The following ADAMTS7 variants were observed in gnomAD, a reference collection of about 807,000 sequenced individuals.
ADAMTS7 encodes the protein ADAM metallopeptidase with thrombospondin type 1 motif 7, also known as A disintegrin and metalloproteinase with thrombospondin motifs 7.
ADAMTS7 carries 89 observed loss-of-function variants against 172.6 expected under a neutral mutation model. The ratio of observed to expected loss-of-function variants is 0.52; its 90% CI spans 0.43 to 0.61. ADAMTS7 has a LOEUF of 0.61. Among genes scored for constraint, ADAMTS7 ranks in the 20% least tolerant of loss-of-function variants. The probability of loss-of-function intolerance (pLI) is 0.00; values close to 1 mark genes in which losing one functional copy is unlikely to be tolerated. For missense variants in ADAMTS7, 1,973 were observed against 2,355.6 expected (o/e 0.84, Z 3.36); for synonymous variants, 885 against 978.4 (o/e 0.90, Z 1.78).
intron 4 of ADAMTS7, among the ~76,000 whole-genome samples, chr15:78,793,441 C>G (rs2055606349): frequency 6.6e-6 from 1 of 151,930 alleles, no homozygotes; most frequent in African/African-American, 2.4e-5. Flanking sequence ...GCAGCCGCTG[C>G]AGCCTCCACC....
chr15:78,796,729 C>T lies in ADAMTS7; in HGVS notation c.680G>A (p.Arg227Gln), dbSNP rs115303425. Residue 227 changes from arginine to glutamine, a missense_variant, in exon 4 of 24, where the codon CGG becomes CAG. By Grantham distance (43) the Arg-to-Gln change is conservative. This residue lies in a region of ADAMTS7 where 526 missense variants were observed against 662.9 expected (regional missense o/e 0.79). Transcript: ENST00000388820. ...ERWEQRQQWR[R>Q]PRLRRLHQRS... is the part of the protein sequence containing the mutation. ...CTGGTGTAGACGCCTCAGCCGTGGC[C>T]GCCGCCACTGCTGCCGCTGCTCCCA... 51 of 1,611,192 alleles carry T rather than the reference C, an allele frequency of 3.2e-5. No homozygotes were observed. The highest frequency in any genetic ancestry group is 2.8e-4 in the African/African-American group (21 of 75,032).
rs1461776038 is a variant in ADAMTS7 at position 78,759,532 on chromosome 15, G to A, written c.4950C>T (p.Arg1650=). The change falls in exon 24 of 24, where the codon CGC becomes CGT. Residue 1650 remains arginine (R), a synonymous_variant. Coordinates refer to ENST00000388820, the MANE Select transcript of ADAMTS7 (RefSeq NM_014272.5). ...TGGGCAGCTGGCAGCGGCCCAGTAGGCGCAGCGTCTCGCAGAACCCGAAGG... is the reference window on the plus strand; with the variant it reads ...TGGGCAGCTGGCAGCGGCCCAGTAGACGCAGCGTCTCGCAGAACCCGAAGG... ...RLSFGFCETL[R]LLGRCQLPTI... 6.3e-7 allele frequency: 1 copy of A among 1,596,500 alleles called. No individual in the cohort carries two copies. Among genetic ancestry groups the A allele is most frequent in the Admixed American group, 1.7e-5 (1 of 59,374 alleles).
Position 78,759,473 on chromosome 15 carries a change from G to A in ADAMTS7, c.5009C>T (p.Pro1670Leu), listed in dbSNP as rs769816677. 26 of 1,596,912 alleles carry A rather than the reference G, an allele frequency of 1.6e-5. No individual in the cohort carries two copies. The highest frequency in any genetic ancestry group is 6.7e-5 in the East Asian group (3 of 44,674). ...IRTQCCRSCS[P>L]PSHGAPSRGH... Reference sequence around the variant, plus strand: ...TCGGGAGGGGGCGCCGTGGCTGGGCGGAGAGCACGAGCGGCAGCACTGGGT... The same window carrying A: ...TCGGGAGGGGGCGCCGTGGCTGGGCAGAGAGCACGAGCGGCAGCACTGGGT... Residue 1670 changes from proline to leucine, a missense_variant, in exon 24 of 24, where the codon CCG (proline) becomes CTG (leucine). Around this residue, in one of 8 missense-constraint regions of ADAMTS7, gnomAD observed 94 missense variants for 95.4 expected, o/e 0.99. Transcript: ENST00000388820.
chr15:78,766,519 C>T lies in ADAMTS7; in HGVS notation c.3392G>A (p.Ser1131Asn). 2 of 1,585,576 alleles carry T rather than the reference C, an allele frequency of 1.3e-6. No homozygotes were observed. The highest frequency in any genetic ancestry group is 1.7e-6 in the Non-Finnish European group (2 of 1,167,590). The change falls in exon 19 of 24, where the codon AGC (serine) becomes AAC (asparagine). Residue 1131 changes from serine to asparagine, a missense_variant. Transcript: ENST00000388820. ...GCGGCCGGCCTGGCTAGGCCAAGGG[C>T]TCGGGGACCAAGGTCCCAGTACCCC... The part of the protein sequence containing the change: ...EEGVLGPWSP[S>N]PWPSQAGRSP...
rs1425674896 is a variant in ADAMTS7, at chr15:78,789,724, C to T, written c.1143G>A (p.Pro381=). The change falls in exon 7 of 24, where the codon CCG becomes CCA. Residue 381 remains proline, a synonymous_variant. Coordinates refer to ENST00000388820, the MANE Select transcript of ADAMTS7 (RefSeq NM_014272.5). ...SCSINEDTGL[P]LAFTVAHELG... Reference sequence around the variant, plus strand: ...GCTCGTGGGCTACAGTGAAGGCCAGCGGCAGGCCCGTGTCCTCGTTGATGC... The same window carrying T: ...GCTCGTGGGCTACAGTGAAGGCCAGTGGCAGGCCCGTGTCCTCGTTGATGC... 19 of 1,613,058 alleles carry T rather than the reference C, an allele frequency of 1.2e-5. No homozygotes were observed. Among genetic ancestry groups the T allele is most frequent in the South Asian group, 6.6e-5 (6 of 90,940 alleles).
chr15:78,782,601 G>T (rs377759932), intron 8 of ADAMTS7, among the ~76,000 whole-genome samples: 1 of 151,282 alleles, frequency 6.6e-6, no homozygotes, highest in Non-Finnish European at 1.5e-5. Flanking sequence ...GGTGATGATG[G>T]GTAATGAAGG....
At chr15:78,765,538 G>A (rs2055125238) in intron 19 of ADAMTS7, 107 bp downstream of exon 19, 12 of 1,539,022 alleles carry the variant, frequency 7.8e-6, no homozygotes, top group East Asian at 6.8e-5. Flanking sequence ...TGCCCCAAGA[G>A]AGGCTAGACA....
At chr15:78,781,859 G>A (rs1056231881) in intron 8 of ADAMTS7, among the ~76,000 whole-genome samples, 1 of 152,226 alleles carries the variant, frequency 6.6e-6, no homozygotes, top group African/African-American at 2.4e-5. Context: ...ATAGTAATGA[G>A]TGTGCGTGAA....
At chr15:78,769,779 T>A (rs1048347788) in intron 16 of ADAMTS7, among the ~76,000 whole-genome samples, 4 of 152,268 alleles carry the variant, frequency 2.6e-5, no homozygotes, top group Non-Finnish European at 2.9e-5. Context: ...GTGGTCCACC[T>A]GCGAAGCAGC....
intron 16 of ADAMTS7, among the ~76,000 whole-genome samples, 180 bp from the exon 17 acceptor site, chr15:78,768,439 G>A (rs1338291893): frequency 6.6e-6 from 1 of 152,164 alleles, no homozygotes; most frequent in East Asian, 1.9e-4. Flanking sequence ...TGTCCTCCTG[G>A]TTCTCACCCG....
In ADAMTS7 at chr15:78,789,772, C is replaced by T; in HGVS notation, c.1095G>A (p.Met365Ile). 2 of 1,608,654 alleles carry T rather than the reference C, an allele frequency of 1.2e-6. No homozygotes were observed. The highest frequency in any genetic ancestry group is 1.3e-5 in the African/African-American group (1 of 75,030). Reference sequence around the variant, plus strand: ...TGCTGCAGCTGCGGTGCGGCTGGCACATGCCCGCCACATGGGACAGTCCCA... The same window carrying T: ...TGCTGCAGCTGCGGTGCGGCTGGCATATGCCCGCCACATGGGACAGTCCCA... ...ETLGLSHVAG[M>I]CQPHRSCSIN... Residue 365 changes from methionine to isoleucine, a missense_variant, in exon 7 of 24, where the codon ATG becomes ATA. This residue lies in a region of ADAMTS7 where 526 missense variants were observed against 662.9 expected (regional missense o/e 0.79). Transcript: ENST00000388820.
chr15:78,806,123 CACACAAAAAAAAAAA>C (rs2055790004), intron 1 of ADAMTS7, among the ~76,000 whole-genome samples: 1 of 20,120 alleles, frequency 5.0e-5, no homozygotes, highest in East Asian at 1.4e-3. Flanking sequence ...CACACACACA[CACACAAAAAAAAAAA>C]AAAAAAAAAA....
At chr15:78,803,832 ATTT>A (rs2055756124) in intron 1 of ADAMTS7, among the ~76,000 whole-genome samples, 1 of 152,230 alleles carries the variant, frequency 6.6e-6, no homozygotes, top group Non-Finnish European at 1.5e-5. Flanking sequence ...ATAGAAAAAT[ATTT>A]GGTTTGCTGT....
chr15:78,785,042 T>G (rs1354351750), intron 8 of ADAMTS7, among the ~76,000 whole-genome samples: 1 of 150,570 alleles, frequency 6.6e-6, no homozygotes, highest in African/African-American at 2.4e-5. Context: ...CCTCCATGAA[T>G]ATTTTGGGGC....
intron 4 of ADAMTS7, among the ~76,000 whole-genome samples, chr15:78,795,686 C>T (rs1274955172): frequency 6.6e-6 from 1 of 152,204 alleles, no homozygotes; most frequent in African/African-American, 2.4e-5. Flanking sequence ...AACAACCCAG[C>T]CCAGGAGAGA....
chr15:78,766,381 G>A lies in ADAMTS7; in HGVS notation c.3530C>T (p.Pro1177Leu). Residue 1177 changes from proline to leucine, a missense_variant, in exon 19 of 24, where the codon CCC becomes CTC. By Grantham distance (98) the Pro-to-Leu change is moderately conservative (BLOSUM62 -3). Coordinates refer to ENST00000388820, the MANE Select transcript of ADAMTS7 (RefSeq NM_014272.5). Reference protein sequence around the residue: ...PDLGLPSLSWPRVSTDGLQTP... With the variant: ...PDLGLPSLSWLRVSTDGLQTP... ...CTGCAGGCCATCAGTGGAAACCCTGGGCCAGGACAGGCTGGGGAGCCCAAG... is the reference window on the plus strand; with the variant it reads ...CTGCAGGCCATCAGTGGAAACCCTGAGCCAGGACAGGCTGGGGAGCCCAAG... 1 of 1,609,552 alleles carries A rather than the reference G, an allele frequency of 6.2e-7. No homozygotes were observed. The highest frequency in any genetic ancestry group is 8.5e-7 in the Non-Finnish European group (1 of 1,179,192).
chr15:78,774,023 G>A (rs2055296450), intron 13 of ADAMTS7, 144 bp downstream of exon 13: 1 of 1,319,032 alleles, frequency 7.6e-7, no homozygotes. Context: ...GGTGGCCCGA[G>A]GAGGACCAGG....
At chr15:78,789,114 T>C (rs564463450) in intron 7 of ADAMTS7, among the ~76,000 whole-genome samples, 1 of 152,358 alleles carries the variant, frequency 6.6e-6, no homozygotes, top group East Asian at 1.9e-4. Context: ...CCACAGAACG[T>C]TCTGGGAGCC....
intron 8 of ADAMTS7, 123 bp downstream of exon 8, chr15:78,788,108 G>T: frequency 7.6e-7 from 1 of 1,321,370 alleles, no homozygotes; most frequent in Non-Finnish European, 1.0e-6. Flanking sequence ...TTGACCTCAT[G>T]TATCAAGATC....
Sources: gnomAD v4.1 joint callset for allele counts (sites outside exome capture counted in the v4.1 genomes callset) on GRCh38, gnomAD v4.1.1 for gene constraint, gnomAD v4.1.1 regional missense constraint, MANE v1.5 for transcripts, NCBI Gene and HGNC (gene_info 2026-07-23, HGNC 2026-07-21) for gene names.